Variants in GALNTL6 observed in about 807,000 individuals in gnomAD.
The protein encoded by GALNTL6 is polypeptide N-acetylgalactosaminyltransferase-like 6.
GALNTL6 carries 46 observed loss-of-function variants against 73.7 expected under a neutral mutation model. The ratio of observed to expected loss-of-function variants is 0.62; its 90% CI spans 0.49 to 0.80. The LOEUF is 0.80. Ranked by LOEUF, GALNTL6 falls within the 30% of genes least tolerant of loss-of-function variation. The pLI is 0.00. For missense variants in GALNTL6, 604 were observed against 755.0 expected (o/e 0.80, Z 2.34); for synonymous variants, 259 against 263.7 (o/e 0.98, Z 0.17).
intron 2 of GALNTL6, among the ~76,000 whole-genome samples, chr4:171,879,004 C>T (rs187725868): frequency 7.6e-4 from 115 of 152,274 alleles, no homozygotes; most frequent in African/African-American, 2.5e-3. Flanking sequence ...AGCCACTATG[C>T]TTCCTGTACA....
intron 2 of GALNTL6, among the ~76,000 whole-genome samples, chr4:172,221,650 A>G (rs1355596701): frequency 6.6e-6 from 1 of 151,794 alleles, no homozygotes; most frequent in Non-Finnish European, 1.5e-5. Flanking sequence ...TTTTTGTAGG[A>G]TGCTGATCTT....
intron 7 of GALNTL6, among the ~76,000 whole-genome samples, chr4:172,842,260 T>G (rs1743253386): frequency 6.6e-6 from 1 of 152,252 alleles, no homozygotes; most frequent in South Asian, 2.1e-4. Context: ...CCATCATTTT[T>G]CATTGTGCCA....
intron 5 of GALNTL6, among the ~76,000 whole-genome samples, chr4:172,409,320 G>T (rs547515407): frequency 1.3e-5 from 2 of 152,076 alleles, no homozygotes; most frequent in African/African-American, 2.4e-5. Flanking sequence ...TTTGGTAATA[G>T]ATTTTTTAGG....
intron 5 of GALNTL6, among the ~76,000 whole-genome samples, chr4:172,617,843 C>T (rs78778626): frequency 2.1e-3 from 317 of 152,200 alleles, no homozygotes; most frequent in African/African-American, 7.3e-3. Flanking sequence ...ATACAAAATA[C>T]CAAATGGAGT....
chr4:172,055,863 C>T (rs1197123252), intron 2 of GALNTL6, among the ~76,000 whole-genome samples: 1 of 152,000 alleles, frequency 6.6e-6, no homozygotes, highest in African/African-American at 2.4e-5. Context: ...GAATTCTAGC[C>T]CACTCAGGGT....
chr4:172,107,995 TAG>T (rs1376756201), intron 2 of GALNTL6, among the ~76,000 whole-genome samples: 3 of 152,184 alleles, frequency 2.0e-5, no homozygotes, highest in Non-Finnish European at 4.4e-5. Context: ...AAGGATCTAG[TAG>T]TTACATAAGT....
At chr4:173,026,684 T>C (rs1319030892) in intron 12 of GALNTL6, among the ~76,000 whole-genome samples, 4 of 152,248 alleles carry the variant, frequency 2.6e-5, no homozygotes, top group Non-Finnish European at 5.9e-5. Context: ...ACTTGAGTCT[T>C]TTGCCCATTT....
At chr4:172,134,960 G>A (rs960254844) in intron 2 of GALNTL6, among the ~76,000 whole-genome samples, 8 of 152,050 alleles carry the variant, frequency 5.3e-5, no homozygotes, top group Non-Finnish European at 8.8e-5. Context: ...TGCCCCAGCC[G>A]CACCTAACTA....
At chr4:172,399,297 A>T (rs1432792971) in intron 5 of GALNTL6, among the ~76,000 whole-genome samples, 1 of 152,104 alleles carries the variant, frequency 6.6e-6, no homozygotes, top group African/African-American at 2.4e-5. Context: ...TCTAGTCAAA[A>T]TATTGCATAA....
chr4:173,028,315 T>A (rs975130792), intron 12 of GALNTL6, among the ~76,000 whole-genome samples: 3 of 152,222 alleles, frequency 2.0e-5, no homozygotes, highest in African/African-American at 7.2e-5. Context: ...ATAGACTGAC[T>A]GAGGCTCTCT....
chr4:172,885,704 G>A (rs569175326), intron 8 of GALNTL6, among the ~76,000 whole-genome samples: 8 of 152,218 alleles, frequency 5.3e-5, no homozygotes, highest in African/African-American at 1.9e-4. Flanking sequence ...TGTAATATAT[G>A]GCTGTTATCA....
chr4:172,982,730 GA>G (rs889840391), intron 10 of GALNTL6, among the ~76,000 whole-genome samples: 7 of 148,318 alleles, frequency 4.7e-5, no homozygotes, highest in East Asian at 3.9e-4. Flanking sequence ...ACTTTTTCTG[GA>G]AAAAAAAAGA....
intron 5 of GALNTL6, among the ~76,000 whole-genome samples, chr4:172,362,910 C>CA (rs1178260258): frequency 2.0e-5 from 3 of 152,164 alleles, no homozygotes; most frequent in African/African-American, 7.2e-5. Flanking sequence ...TTCCATTCAA[C>CA]TGAGGCTTTA....
chr4:172,360,529 C>T (rs771995005), intron 5 of GALNTL6, among the ~76,000 whole-genome samples: 2 of 152,118 alleles, frequency 1.3e-5, no homozygotes, highest in Non-Finnish European at 2.9e-5. Context: ...ACTTATTCCT[C>T]CTAAATGAAC....
At chr4:172,635,053 T>C (rs1311402703) in intron 5 of GALNTL6, among the ~76,000 whole-genome samples, 1 of 152,194 alleles carries the variant, frequency 6.6e-6, no homozygotes, top group Non-Finnish European at 1.5e-5. Flanking sequence ...TGCAAACTAC[T>C]CAAAGTCATA....
chr4:172,191,638 C>T (rs1245062081), intron 2 of GALNTL6, among the ~76,000 whole-genome samples: 5 of 152,196 alleles, frequency 3.3e-5, no homozygotes, highest in Admixed American at 6.5e-5. Context: ...AATCTTCACA[C>T]AGACTTTCAA....
intron 2 of GALNTL6, among the ~76,000 whole-genome samples, chr4:172,060,181 C>T (rs1329295441): frequency 6.6e-6 from 1 of 152,056 alleles, no homozygotes; most frequent in Non-Finnish European, 1.5e-5. Context: ...ATTACCAAAA[C>T]ATGGAAAAGC....
In GALNTL6 at chr4:172,754,159, C is replaced by T. The variant is rs543238622; in HGVS notation, c.554-55202C>T. On this transcript the variant is annotated intron_variant, in intron 5 of 12. Transcript: ENST00000506823. ...GTCTTCTTATCACTCAAACTCCTTC[C>T]ATATTCTTGATATTTTAACTGACAG... 2.8e-4 allele frequency among the ~76,000 whole-genome samples: 43 copies of T among 151,922 alleles called. No individual in the cohort carries two copies. In the East Asian group the frequency reaches 8.3e-3, roughly 29 times the overall value.
chr4:172,272,860 T>C (rs1479772897), intron 3 of GALNTL6, among the ~76,000 whole-genome samples: 2 of 152,148 alleles, frequency 1.3e-5, no homozygotes, highest in Non-Finnish European at 2.9e-5. Flanking sequence ...AATTTGCATA[T>C]ATTCTTCTAT....
Sources: allele counts gnomAD v4.1 joint callset (sites outside exome capture counted in the v4.1 genomes callset), GRCh38; gene constraint gnomAD v4.1.1; transcripts MANE v1.5; gene names NCBI Gene and HGNC (gene_info 2026-07-23, HGNC 2026-07-21).